TBC1D1: variants seen among roughly 807,000 people sequenced by gnomAD.
TBC1D1 encodes TBC1 domain family member 1.
Under a neutral mutation model 125.6 loss-of-function variants are expected in TBC1D1, and 89 were observed. That is an observed-to-expected ratio of 0.71 (90% CI 0.60 to 0.85). TBC1D1 has a LOEUF of 0.85. Among genes scored for constraint, TBC1D1 ranks in the 40% least tolerant of loss-of-function variants. The probability of loss-of-function intolerance (pLI) is 0.00; values close to 1 mark genes in which losing one functional copy is unlikely to be tolerated. For synonymous variants in TBC1D1, 565 were observed against 564.1 expected (o/e 1.00, Z -0.02); for missense variants, 1,377 against 1,469.2 (o/e 0.94, Z 1.03).
intron 12 of TBC1D1, among the ~76,000 whole-genome samples, chr4:38,078,649 G>A (rs1227454284): frequency 6.6e-6 from 1 of 152,172 alleles, no homozygotes; most frequent in Non-Finnish European, 1.5e-5. Context: ...CAGCAAGAAG[G>A]AAGCTCTCTG....
chr4:38,061,917 C>G (rs1185132004), intron 12 of TBC1D1, among the ~76,000 whole-genome samples: 3 of 152,068 alleles, frequency 2.0e-5, no homozygotes, highest in African/African-American at 7.3e-5. Flanking sequence ...AATTTACGTA[C>G]CAGCAGGAAA....
At chr4:38,102,151 A>C (rs1017955200) in intron 14 of TBC1D1, among the ~76,000 whole-genome samples, 2 of 151,370 alleles carry the variant, frequency 1.3e-5, no homozygotes, top group African/African-American at 2.4e-5. Context: ...TTAAATGACG[A>C]GTTAATGGGT....
Position 37,926,772 on chromosome 4 carries a change from T to C in TBC1D1, c.417+24260T>C, listed in dbSNP as rs546262098. Among the ~76,000 whole-genome samples, 198 of 152,338 alleles carry C rather than the reference T, an allele frequency of 1.3e-3. 1 individual carries two copies. The highest frequency in any genetic ancestry group is 2.2e-3 in the Non-Finnish European group (152 of 68,020). ...CAGGCTAGAACTTTAAACAGTCCTC[T>C]AAGTCTCAGCTGGATTTATTGGTGG... On this transcript the variant is annotated intron_variant, in intron 2 of 19. Transcript: ENST00000261439.
At chr4:38,046,622 T>G (rs1410531103) in intron 10 of TBC1D1, among the ~76,000 whole-genome samples, 2 of 152,164 alleles carry the variant, frequency 1.3e-5, no homozygotes, top group African/African-American at 4.8e-5. Flanking sequence ...TTTTTCAACC[T>G]TCACACCCCC....
chr4:38,031,792 T>C (rs1746194554), intron 7 of TBC1D1, among the ~76,000 whole-genome samples: 1 of 152,228 alleles, frequency 6.6e-6, no homozygotes, highest in Admixed American at 6.5e-5. Context: ...CTTGCCCAGC[T>C]GGCAGTTTAT....
intron 17 of TBC1D1, among the ~76,000 whole-genome samples, chr4:38,123,899 T>G (rs1316398079): frequency 6.6e-6 from 1 of 152,250 alleles, no homozygotes; most frequent in Non-Finnish European, 1.5e-5. Flanking sequence ...GCACCCAGTC[T>G]TTGCTTTTCT....
At chr4:37,962,658 G>A (rs769241659) in intron 2 of TBC1D1, among the ~76,000 whole-genome samples, 6 of 152,202 alleles carry the variant, frequency 3.9e-5, no homozygotes, top group African/African-American at 1.4e-4. Context: ...TTCATCACCT[G>A]TAAATAAAGA....
At chr4:38,061,903 C>T (rs530859324) in intron 12 of TBC1D1, among the ~76,000 whole-genome samples, 1 of 152,156 alleles carries the variant, frequency 6.6e-6, no homozygotes, top group South Asian at 2.1e-4. Flanking sequence ...ATATAGTTTT[C>T]AATAATTTAC....
At chr4:37,914,160 T>C (rs1168408681) in intron 2 of TBC1D1, among the ~76,000 whole-genome samples, 2 of 152,334 alleles carry the variant, frequency 1.3e-5, no homozygotes, top group East Asian at 1.9e-4. Flanking sequence ...AGTCTTACAG[T>C]GTTAACTACC....
At chr4:37,948,763 G>C (rs1727248706) in intron 2 of TBC1D1, among the ~76,000 whole-genome samples, 1 of 152,092 alleles carries the variant, frequency 6.6e-6, no homozygotes, top group African/African-American at 2.4e-5. Flanking sequence ...CGTATCAGCT[G>C]TCACCCCCCG....
chr4:38,121,167 C>T (rs920853308), intron 17 of TBC1D1, among the ~76,000 whole-genome samples: 2 of 152,190 alleles, frequency 1.3e-5, no homozygotes, highest in African/African-American at 4.8e-5. Context: ...CAGCCTTCAG[C>T]GTCCCCTTTA....
At chr4:38,040,569 G>A (rs998622143) in intron 8 of TBC1D1, among the ~76,000 whole-genome samples, 1 of 152,234 alleles carries the variant, frequency 6.6e-6, no homozygotes, top group Non-Finnish European at 1.5e-5. Context: ...TTACAGGCGT[G>A]AGCCACTGCG....
At chr4:38,053,299 T>C in intron 11 of TBC1D1, 74 bp downstream of exon 13, 1 of 1,174,816 alleles carries the variant, frequency 8.5e-7, no homozygotes, top group Non-Finnish European at 1.1e-6. Flanking sequence ...CAAGGGTGTT[T>C]TAATTACTAT....
chr4:38,120,689 TACTC>T (rs1247900444), intron 17 of TBC1D1, among the ~76,000 whole-genome samples: 2 of 152,210 alleles, frequency 1.3e-5, no homozygotes, highest in Non-Finnish European at 2.9e-5. Flanking sequence ...CTTCACATGA[TACTC>T]ACACCTTGCT....
chr4:37,952,358 T>C, intron 2 of TBC1D1: 1 of 414,230 alleles, frequency 2.4e-6, no homozygotes, highest in South Asian at 2.4e-5. Flanking sequence ...TAAATTAAAA[T>C]CTCCATCTCT....
At chr4:37,943,413 T>A (rs886816449) in intron 2 of TBC1D1, among the ~76,000 whole-genome samples, 10 of 152,248 alleles carry the variant, frequency 6.6e-5, no homozygotes, top group African/African-American at 2.4e-4. Context: ...TTCTCCTGGA[T>A]AATATCCTGC....
intron 13 of TBC1D1, among the ~76,000 whole-genome samples, chr4:38,094,289 C>T (rs1758946391): frequency 6.6e-6 from 1 of 152,178 alleles, no homozygotes; most frequent in African/African-American, 2.4e-5. Context: ...CAGACCTGAA[C>T]GTTATCACAA....
In TBC1D1 at chr4:38,067,109, T is replaced by C. The variant is rs368456776; in HGVS notation, c.2050+12771T>C. 9.2e-5 allele frequency among the ~76,000 whole-genome samples: 14 copies of C among 152,058 alleles called. No homozygotes were observed. In the East Asian group the frequency reaches 2.1e-3, roughly 23 times the overall value. ...CCAGGATGGTCTCTATCTCTTGACTTTGTGATCTGCCCGCCTCGGCCTCCC... is the reference window on the plus strand; with the variant it reads ...CCAGGATGGTCTCTATCTCTTGACTCTGTGATCTGCCCGCCTCGGCCTCCC... On this transcript the variant is annotated intron_variant, in intron 12 of 19. Coordinates refer to ENST00000261439, the MANE Select transcript of TBC1D1 (RefSeq NM_015173.4).
At chr4:38,088,963 A>G (rs532199623) in intron 12 of TBC1D1, among the ~76,000 whole-genome samples, 70 of 152,346 alleles carry the variant, frequency 4.6e-4, no homozygotes, top group African/African-American at 1.6e-3. Flanking sequence ...ATTGAACAGT[A>G]CACAGTAACA....
Sources: gnomAD v4.1 joint callset for allele counts (sites outside exome capture counted in the v4.1 genomes callset) on GRCh38, gnomAD v4.1.1 for gene constraint, MANE v1.5 for transcripts, NCBI Gene and HGNC (gene_info 2026-07-23, HGNC 2026-07-21) for gene names.